Variants in SLC4A4 observed in about 807,000 individuals in gnomAD.
SLC4A4 encodes the protein solute carrier family 4 member 4.
SLC4A4 carries 27 observed loss-of-function variants against 111.5 expected under a neutral mutation model. That is an observed-to-expected ratio of 0.24 (90% CI 0.18 to 0.33). The LOEUF (loss-of-function observed/expected upper bound fraction) is 0.33, where lower values mean the gene tolerates loss of function less well. Ranked by LOEUF, SLC4A4 falls within the 10% of genes least tolerant of loss-of-function variation. The probability of loss-of-function intolerance (pLI) is 1.00; values close to 1 mark genes in which losing one functional copy is unlikely to be tolerated. For missense variants in SLC4A4, 909 were observed against 1,315.5 expected, an observed-to-expected ratio of 0.69 and a Z score of 4.78; for synonymous variants, 443 against 463.4, an observed-to-expected ratio of 0.96 and a Z score of 0.57.
At chr4:71,136,257 A>G (rs1217782299) in intron 2 of SLC4A4, among the ~76,000 whole-genome samples, 2 of 152,228 alleles carry the variant, frequency 1.3e-5, no homozygotes, top group African/African-American at 4.8e-5. Flanking sequence ...GACAAACCAG[A>G]GACCAGCAGA....
intron 18 of SLC4A4, among the ~76,000 whole-genome samples, chr4:71,544,849 A>C (rs746088130): frequency 2.0e-5 from 3 of 152,024 alleles, no homozygotes; most frequent in Admixed American, 6.6e-5. Context: ...CCCTCAGTAG[A>C]ATGGAGACTC....
chr4:71,327,512 A>G (rs1727595485), intron 3 of SLC4A4, among the ~76,000 whole-genome samples: 2 of 151,984 alleles, frequency 1.3e-5, no homozygotes, highest in African/African-American at 2.4e-5. Context: ...AGAGTAATGT[A>G]AGGGAATAAT....
At chr4:71,248,538 A>G (rs1333800923) in intron 2 of SLC4A4, among the ~76,000 whole-genome samples, 5 of 151,980 alleles carry the variant, frequency 3.3e-5, no homozygotes, top group African/African-American at 4.8e-5. Context: ...TCAACTTTGA[A>G]GATTGAAAAG....
At chr4:71,463,048 A>G (rs1726987546) in intron 12 of SLC4A4, among the ~76,000 whole-genome samples, 1 of 152,164 alleles carries the variant, frequency 6.6e-6, no homozygotes, top group Non-Finnish European at 1.5e-5. Flanking sequence ...CAGACTCCAG[A>G]TTTCTGACTG....
intron 3 of SLC4A4, among the ~76,000 whole-genome samples, chr4:71,304,823 C>G (rs1247739953): frequency 6.6e-6 from 1 of 152,160 alleles, no homozygotes; most frequent in Non-Finnish European, 1.5e-5. Flanking sequence ...TTAGAGGAGT[C>G]TTAATCTATA....
At chr4:71,202,666 T>C (rs1746312972) in intron 1 of SLC4A4, among the ~76,000 whole-genome samples, 1 of 152,178 alleles carries the variant, frequency 6.6e-6, no homozygotes, top group African/African-American at 2.4e-5. Flanking sequence ...TTGAATCCAT[T>C]TTCCTCCCCA....
Position 71,075,791 on chromosome 4 carries a change from C to T in SLC4A4, c.-65+13003C>T, listed in dbSNP as rs188954101. Among the ~76,000 whole-genome samples the T allele has an allele frequency of 1.8e-4, 27 of 151,980 alleles. No homozygotes were observed. In the East Asian group the frequency reaches 4.8e-3, roughly 27 times the overall value. ...AACATCTGATCAACATGGTGAAACCCCGTCCCCACTAAAAATACAAAAATT... is the reference window on the plus strand; with the variant it reads ...AACATCTGATCAACATGGTGAAACCTCGTCCCCACTAAAAATACAAAAATT... On this transcript the variant is annotated intron_variant, in intron 1 of 26. Coordinates refer to the SLC4A4 transcript ENST00000649996.
intron 2 of SLC4A4, among the ~76,000 whole-genome samples, chr4:71,132,622 T>C (rs1743737762): frequency 6.6e-6 from 1 of 152,208 alleles, no homozygotes; most frequent in South Asian, 2.1e-4. Flanking sequence ...AAGCCTTGCA[T>C]ATTATAATAA....
chr4:71,419,106 G>C (rs1343139020), intron 7 of SLC4A4, among the ~76,000 whole-genome samples: 1 of 152,146 alleles, frequency 6.6e-6, no homozygotes, highest in Non-Finnish European at 1.5e-5. Flanking sequence ...GCCCCTACTG[G>C]GGGGTGCCTC....
intron 3 of SLC4A4, among the ~76,000 whole-genome samples, chr4:71,310,730 A>C (rs965584392): frequency 6.6e-6 from 1 of 152,238 alleles, no homozygotes; most frequent in Non-Finnish European, 1.5e-5. Context: ...GCAAAAACAC[A>C]CCAAAATATA....
chr4:71,258,240 T>TCAA (rs933247159), intron 3 of SLC4A4, among the ~76,000 whole-genome samples: 5 of 152,254 alleles, frequency 3.3e-5, no homozygotes, highest in Non-Finnish European at 7.3e-5. Flanking sequence ...GGGCCTTTGT[T>TCAA]CATGCAAACT....
intron 16 of SLC4A4, among the ~76,000 whole-genome samples, chr4:71,514,599 C>T (rs912974125): frequency 1.3e-5 from 2 of 152,116 alleles, no homozygotes; most frequent in African/African-American, 4.8e-5. Context: ...TTTGGTAGAA[C>T]TCCACAGTGA....
At chr4:71,144,986 G>T (rs4467525) in intron 2 of SLC4A4, among the ~76,000 whole-genome samples, 113,944 of 151,690 alleles carry the variant, frequency 0.75, 44,028 homozygotes, top group Admixed American at 0.85. Flanking sequence ...AACACTATGT[G>T]GAATAGGAGT....
At chr4:71,291,222 T>C (rs1268009932) in intron 3 of SLC4A4, among the ~76,000 whole-genome samples, 1 of 152,204 alleles carries the variant, frequency 6.6e-6, no homozygotes, top group Non-Finnish European at 1.5e-5. Flanking sequence ...GAGATATACC[T>C]AATGCTAAAT....
intron 7 of SLC4A4, among the ~76,000 whole-genome samples, chr4:71,430,518 A>G (rs1723540756): frequency 6.6e-6 from 1 of 152,134 alleles, no homozygotes. Context: ...TTATCTGACA[A>G]ATACACTTTT....
intron 1 of SLC4A4, among the ~76,000 whole-genome samples, chr4:71,208,385 C>T (rs1214657914): frequency 6.6e-6 from 1 of 150,410 alleles, no homozygotes; most frequent in East Asian, 2.0e-4. Flanking sequence ...GAGCTGAGAT[C>T]GCACCACTGC....
intron 2 of SLC4A4, among the ~76,000 whole-genome samples, chr4:71,168,519 G>C (rs982003606): frequency 6.6e-6 from 1 of 151,988 alleles, no homozygotes; most frequent in Non-Finnish European, 1.5e-5. Flanking sequence ...TTTGACTATA[G>C]TCAAACTGTT....
At chr4:71,120,799 C>T (rs556068345) in intron 2 of SLC4A4, among the ~76,000 whole-genome samples, 22 of 152,334 alleles carry the variant, frequency 1.4e-4, no homozygotes, top group Non-Finnish European at 2.1e-4. Flanking sequence ...CTCTTGGCAC[C>T]TCCTCGGCCT....
chr4:71,330,442 T>G (rs1168940659), intron 3 of SLC4A4, among the ~76,000 whole-genome samples: 1 of 152,098 alleles, frequency 6.6e-6, no homozygotes. Flanking sequence ...CATCTACAAC[T>G]ATCTGATCTT....
Sources: gnomAD v4.1 joint callset for allele counts (sites outside exome capture counted in the v4.1 genomes callset) on GRCh38, gnomAD v4.1.1 for gene constraint, MANE v1.5 for transcripts, NCBI Gene and HGNC (gene_info 2026-07-23, HGNC 2026-07-21) for gene names.